CDK8: variants seen among roughly 807,000 people sequenced by gnomAD.
CDK8 encodes cyclin dependent kinase 8.
Under a neutral mutation model 71.5 loss-of-function variants are expected in CDK8, and 29 were observed. The observed-to-expected ratio is 0.41, with a 90% CI of 0.30 to 0.55. CDK8 has a LOEUF of 0.55. CDK8 is among the 20% of genes least tolerant of loss of function. CDK8 has a pLI of 0.37. For missense variants in CDK8, 288 were observed against 572.6 expected (o/e 0.50, Z 5.07); for synonymous variants, 161 against 192.1 (o/e 0.84, Z 1.34).
At chr13:26,291,565 A>C (rs923245068) in intron 1 of CDK8, among the ~76,000 whole-genome samples, 1 of 152,092 alleles carries the variant, frequency 6.6e-6, no homozygotes, top group Non-Finnish European at 1.5e-5. Context: ...AAAAACAGCA[A>C]CTCTGGGCCC....
intron 1 of CDK8, among the ~76,000 whole-genome samples, chr13:26,285,235 A>G (rs1161477650): frequency 6.6e-6 from 1 of 152,202 alleles, no homozygotes; most frequent in Non-Finnish European, 1.5e-5. Context: ...TCCGTCTCAA[A>G]AAAACAAAAC....
chr13:26,320,305 G>A (rs1874715823), intron 1 of CDK8, among the ~76,000 whole-genome samples: 1 of 152,058 alleles, frequency 6.6e-6, no homozygotes, highest in Non-Finnish European at 1.5e-5. Context: ...CAGCTACTCA[G>A]GAGGCTGGGT....
intron 4 of CDK8, among the ~76,000 whole-genome samples, chr13:26,362,673 T>C (rs1874202368): frequency 6.6e-6 from 1 of 152,190 alleles, no homozygotes; most frequent in African/African-American, 2.4e-5. Flanking sequence ...TTTAGTCTAC[T>C]GTTTCAAATG....
intron 1 of CDK8, among the ~76,000 whole-genome samples, chr13:26,296,225 G>A (rs1003165002): frequency 6.6e-6 from 1 of 152,142 alleles, no homozygotes; most frequent in African/African-American, 2.4e-5. Context: ...ATATCAGAGA[G>A]GATCGAAAGG....
intron 1 of CDK8, among the ~76,000 whole-genome samples, chr13:26,305,764 C>G (rs1874016618): frequency 6.6e-6 from 1 of 152,196 alleles, no homozygotes; most frequent in Non-Finnish European, 1.5e-5. Context: ...AATACAGTTG[C>G]TATATTTTAC....
intron 6 of CDK8, among the ~76,000 whole-genome samples, chr13:26,389,144 T>A: frequency 6.6e-6 from 1 of 152,202 alleles, no homozygotes; most frequent in East Asian, 1.9e-4. Flanking sequence ...TTGATCTCTC[T>A]AAATTCAAAA....
intron 1 of CDK8, among the ~76,000 whole-genome samples, chr13:26,264,804 C>T (rs890868336): frequency 1.3e-5 from 2 of 152,006 alleles, no homozygotes; most frequent in African/African-American, 4.8e-5. Flanking sequence ...TTGTAGCTCC[C>T]ATGTATGAAT....
intron 3 of CDK8, 24 bp downstream of exon 3, chr13:26,349,206 T>C: frequency 8.0e-7 from 1 of 1,254,138 alleles, no homozygotes; most frequent in Non-Finnish European, 1.2e-6. Context: ...CTGGCAGACA[T>C]GAGCAAACAG....
chr13:26,289,695 C>G (rs1190285226), intron 1 of CDK8, among the ~76,000 whole-genome samples: 1 of 152,010 alleles, frequency 6.6e-6, no homozygotes, highest in African/African-American at 2.4e-5. Context: ...GGACTAAAGG[C>G]ACCTGCCACC....
chr13:26,254,618 T>G lies in CDK8; in HGVS notation c.-24T>G. The G allele has an allele frequency of 1.5e-6, 2 of 1,311,196 alleles. No homozygotes were observed. The highest frequency in any genetic ancestry group is 2.1e-6 in the Non-Finnish European group (2 of 936,096). 81.2% of individuals were successfully genotyped at this position (1,311,196 alleles called of 1,614,324 possible). Reference sequence around the variant, plus strand: ...CTGCCCCCCGGCCCCCCGACCCAGCTCTCCGGCCTCAGAGGCTGTGACAAT... The same window carrying G: ...CTGCCCCCCGGCCCCCCGACCCAGCGCTCCGGCCTCAGAGGCTGTGACAAT... On this transcript the variant is annotated 5_prime_UTR_variant, in exon 1 of 13. Transcript: ENST00000381527. The surrounding 1 kb of genome is among the most constrained non-coding windows in gnomAD (Gnocchi z 6.7).
At chr13:26,360,372 ATCT>A in intron 4 of CDK8, among the ~76,000 whole-genome samples, 1 of 152,238 alleles carries the variant, frequency 6.6e-6, no homozygotes, top group South Asian at 2.1e-4. Context: ...TCCAGCTCCA[ATCT>A]TCTTTTCTTT....
At chr13:26,303,114 T>C (rs1873895395) in intron 1 of CDK8, among the ~76,000 whole-genome samples, 1 of 152,138 alleles carries the variant, frequency 6.6e-6, no homozygotes, top group South Asian at 2.1e-4. Flanking sequence ...TATGCATGTA[T>C]ATCTTTGGCT....
At chr13:26,299,093 A>G (rs1445208875) in intron 1 of CDK8, among the ~76,000 whole-genome samples, 1 of 152,346 alleles carries the variant, frequency 6.6e-6, no homozygotes, top group East Asian at 1.9e-4. Context: ...TTCTTGTCTG[A>G]CATAATGATC....
intron 1 of CDK8, among the ~76,000 whole-genome samples, chr13:26,292,407 T>C (rs1873343983): frequency 6.6e-6 from 1 of 152,088 alleles, no homozygotes; most frequent in African/African-American, 2.4e-5. Context: ...TGCCTTAGGG[T>C]TTATCATTAT....
At chr13:26,284,124 T>C (rs2137890214) in intron 1 of CDK8, among the ~76,000 whole-genome samples, 1 of 152,284 alleles carries the variant, frequency 6.6e-6, no homozygotes, top group East Asian at 1.9e-4. Flanking sequence ...ACCAAACTTC[T>C]GGAATATAGC....
In CDK8 at chr13:26,316,497, T is replaced by G. The variant is rs565567152; in HGVS notation, c.129-21070T>G. On this transcript the variant is annotated intron_variant, in intron 1 of 12. Transcript: ENST00000381527. ...ATTTTAAAAGCTGCCACCTCTATCCTTTTTTAGAAAAGGGCATTCAAGTCT... is the reference window on the plus strand; with the variant it reads ...ATTTTAAAAGCTGCCACCTCTATCCGTTTTTAGAAAAGGGCATTCAAGTCT... Among the ~76,000 whole-genome samples the G allele has an allele frequency of 8.9e-4, 136 of 152,316 alleles. 1 individual carries two copies. The highest frequency in any genetic ancestry group is 3.2e-3 in the African/African-American group (132 of 41,570).
At chr13:26,372,431 A>G (rs1357591220) in intron 4 of CDK8, among the ~76,000 whole-genome samples, 4 of 152,238 alleles carry the variant, frequency 2.6e-5, no homozygotes, top group Non-Finnish European at 4.4e-5. Context: ...GATAAAAGCC[A>G]TTTGGAAAAA....
intron 1 of CDK8, among the ~76,000 whole-genome samples, chr13:26,295,667 C>T (rs1275109157): frequency 6.6e-6 from 1 of 152,144 alleles, no homozygotes; most frequent in African/African-American, 2.4e-5. Flanking sequence ...AAAACTTCAT[C>T]TTTCTGGGCA....
At chr13:26,257,620 G>A (rs1871581231) in intron 1 of CDK8, among the ~76,000 whole-genome samples, 1 of 152,158 alleles carries the variant, frequency 6.6e-6, no homozygotes, top group African/African-American at 2.4e-5. Context: ...TTCTTTCTGA[G>A]TTGATTGTAT....
Sources: allele counts gnomAD v4.1 joint callset (sites outside exome capture counted in the v4.1 genomes callset), GRCh38; gene constraint gnomAD v4.1.1; non-coding constraint Gnocchi (gnomAD v3.1); transcripts MANE v1.5; gene names NCBI Gene and HGNC (gene_info 2026-07-23, HGNC 2026-07-21).